The following STX8 variants were observed in gnomAD, a reference collection of about 807,000 sequenced individuals.
STX8 encodes syntaxin 8.
Under a neutral mutation model 37.5 loss-of-function variants are expected in STX8, and 23 were observed. The ratio of observed to expected loss-of-function variants is 0.61; its 90% CI spans 0.44 to 0.87. The LOEUF (loss-of-function observed/expected upper bound fraction) is 0.87, where lower values mean the gene tolerates loss of function less well. STX8 is among the 40% of genes least tolerant of loss of function. The pLI, the probability that STX8 is intolerant of heterozygous loss-of-function variation, is 0.00. For synonymous variants in STX8, 115 were observed against 99.1 expected (o/e 1.16, Z -0.95); for missense variants, 313 against 284.7 (o/e 1.10, Z -0.71).
rs144930480 is a variant in STX8 at position 9,440,773 on chromosome 17, C to A, written c.541+51056G>T. On this transcript the variant is annotated intron_variant, in intron 6 of 7. Coordinates refer to ENST00000306357, the MANE Select transcript of STX8 (RefSeq NM_004853.3). ...CTCCTGACCTAAGGTGATCCACCCGCCTCGGCCTCCCAAAGTGCTGGGATT... is the reference window on the plus strand; with the variant it reads ...CTCCTGACCTAAGGTGATCCACCCGACTCGGCCTCCCAAAGTGCTGGGATT... 3.0e-3 allele frequency among the ~76,000 whole-genome samples: 459 copies of A among 152,314 alleles called. 5 individuals carry two copies. Among genetic ancestry groups the A allele is most frequent in the African/African-American group, 0.01 (422 of 41,566 alleles).
intron 7 of STX8, among the ~76,000 whole-genome samples, chr17:9,375,416 T>G (rs1249456778): frequency 6.6e-6 from 1 of 152,184 alleles, no homozygotes; most frequent in Non-Finnish European, 1.5e-5. Flanking sequence ...GTAAGAAATA[T>G]TCCACATTCA....
intron 6 of STX8, among the ~76,000 whole-genome samples, chr17:9,382,171 T>TCACACACA (rs57809204): frequency 1.4e-5 from 2 of 146,972 alleles, no homozygotes; most frequent in East Asian, 2.0e-4. Flanking sequence ...AAGAAAACAC[T>TCACACACA]CACACACACA....
intron 6 of STX8, among the ~76,000 whole-genome samples, chr17:9,446,387 A>G (rs946342904): frequency 6.6e-6 from 1 of 152,246 alleles, no homozygotes; most frequent in Non-Finnish European, 1.5e-5. Context: ...TTCGAAAATT[A>G]TTTTAATGAA....
chr17:9,330,188 T>C (rs955454783), intron 7 of STX8, among the ~76,000 whole-genome samples: 2 of 152,174 alleles, frequency 1.3e-5, no homozygotes, highest in Non-Finnish European at 2.9e-5. Context: ...TATCACCTCT[T>C]ATTAGTGTCT....
intron 6 of STX8, among the ~76,000 whole-genome samples, chr17:9,406,153 C>A (rs1912794642): frequency 6.6e-6 from 1 of 152,158 alleles, no homozygotes; most frequent in African/African-American, 2.4e-5. Flanking sequence ...GCAATTGTAG[C>A]TGCAGACCTT....
chr17:9,450,471 C>T (rs1905004242), intron 6 of STX8, among the ~76,000 whole-genome samples: 1 of 151,676 alleles, frequency 6.6e-6, no homozygotes, highest in South Asian at 2.1e-4. Flanking sequence ...TTCTCCAAGA[C>T]CCATATATAC....
chr17:9,504,048 G>A (rs1008174238), intron 5 of STX8, among the ~76,000 whole-genome samples: 3 of 152,134 alleles, frequency 2.0e-5, no homozygotes, highest in Non-Finnish European at 2.9e-5. Context: ...ACAGGCGTGA[G>A]CCACCACACC....
At chr17:9,297,939 T>C (rs549605833) in intron 7 of STX8, among the ~76,000 whole-genome samples, 6 of 152,308 alleles carry the variant, frequency 3.9e-5, no homozygotes, top group African/African-American at 1.4e-4. Context: ...GCGGTGTTCC[T>C]ATAAACAAAG....
chr17:9,355,572 G>C (rs181134042), intron 7 of STX8, among the ~76,000 whole-genome samples: 1 of 148,698 alleles, frequency 6.7e-6, no homozygotes, highest in Admixed American at 6.8e-5. Flanking sequence ...GCGCAATCTC[G>C]GCTCACTGCA....
chr17:9,433,560 G>C lies in STX8; in HGVS notation c.542-54907C>G, dbSNP rs536266898. On this transcript the variant is annotated intron_variant, in intron 6 of 7. Transcript: ENST00000306357. The stretch of plus-strand genomic sequence containing the variant: ...CATAGATTGTGATGATGGTTTCATG[G>C]ATGTACACCTATCTCCAAACTCATC... Among the ~76,000 whole-genome samples the C allele has an allele frequency of 2.6e-5, 4 of 152,232 alleles. No homozygotes were observed. The South Asian group carries it at 8.3e-4, about 32-fold the overall frequency.
At chr17:9,416,374 A>ATTTTTTTTTTTT (rs535117460) in intron 6 of STX8, among the ~76,000 whole-genome samples, 6 of 145,900 alleles carry the variant, frequency 4.1e-5, no homozygotes, top group Admixed American at 1.4e-4. Flanking sequence ...TTGTAGTTTA[A>ATTTTTTTTTTTT]TTTTTTTTTT....
chr17:9,431,635 C>T (rs1913988411), intron 6 of STX8, among the ~76,000 whole-genome samples: 2 of 152,106 alleles, frequency 1.3e-5, no homozygotes, highest in African/African-American at 4.8e-5. Flanking sequence ...ACAGTCATGA[C>T]ACTGGTGCTG....
At position 9,507,570 on chromosome 17, in the gene STX8, C is replaced by T. The variant is rs1904886197; in HGVS notation, c.324-2408G>A. 6.6e-6 allele frequency among the ~76,000 whole-genome samples: 1 copy of T among 152,222 alleles called. No homozygotes were observed. Among genetic ancestry groups the T allele is most frequent in the South Asian group, 2.1e-4 (1 of 4,836 alleles). ...GTCCCAAACCTGAGAAACAGCCCAA[C>T]AGGCCACCTCTGGCAGGCATACTCC... On this transcript the variant is annotated intron_variant, in intron 4 of 7. Coordinates refer to ENST00000306357, the MANE Select transcript of STX8 (RefSeq NM_004853.3). The surrounding 1 kb of genome is among the most constrained non-coding windows in gnomAD (Gnocchi z 4.0).
chr17:9,570,480 C>T (rs889291733), intron 1 of STX8, among the ~76,000 whole-genome samples: 21 of 151,782 alleles, frequency 1.4e-4, no homozygotes, highest in Non-Finnish European at 8.8e-5. Context: ...ATATCACATA[C>T]CTATCGTTTA....
At chr17:9,525,271 G>A (rs1465748409) in intron 4 of STX8, among the ~76,000 whole-genome samples, 1 of 151,966 alleles carries the variant, frequency 6.6e-6, no homozygotes, top group Non-Finnish European at 1.5e-5. Context: ...AAGTACGCAA[G>A]ACAGAAAACA....
At chr17:9,268,269 T>C (rs1907301789) in intron 7 of STX8, among the ~76,000 whole-genome samples, 1 of 150,224 alleles carries the variant, frequency 6.7e-6, no homozygotes, top group Non-Finnish European at 1.5e-5. Context: ...ACCATGAAGA[T>C]TGGTGGAGTA....
chr17:9,454,659 G>A lies in STX8; in HGVS notation c.541+37170C>T, dbSNP rs112680025. 2.2e-5 allele frequency among the ~76,000 whole-genome samples: 3 copies of A among 135,084 alleles called. 1 individual carries two copies. The highest frequency in any genetic ancestry group is 5.8e-5 in the African/African-American group (2 of 34,432). The allele number at this position is 135,084 out of a possible 152,430, so 88.6% of individuals were successfully genotyped here. A position where few individuals can be genotyped will look rare whatever the true frequency, so the allele number is the denominator to read the frequency against. The stretch of plus-strand genomic sequence containing the variant: ...CGCGCCACTGCACTCCAGCCTGGGC[G>A]ACAGAGCGAGACTGTCTCAAAAAAA... On this transcript the variant is annotated intron_variant, in intron 6 of 7. Coordinates refer to ENST00000306357, the MANE Select transcript of STX8 (RefSeq NM_004853.3).
intron 7 of STX8, among the ~76,000 whole-genome samples, chr17:9,362,842 A>AT (rs1911109085): frequency 1.4e-5 from 2 of 142,054 alleles, no homozygotes; most frequent in South Asian, 2.1e-4. Context: ...AAAAAAAAAA[A>AT]ATAAATAAAT....
intron 2 of STX8, among the ~76,000 whole-genome samples, chr17:9,558,539 CAA>C (rs1297898327): frequency 6.6e-6 from 1 of 152,070 alleles, no homozygotes; most frequent in Admixed American, 6.6e-5. Flanking sequence ...TCTCTACACT[CAA>C]AGAGAAAAGA....
Sources: gnomAD v4.1 joint callset for allele counts (sites outside exome capture counted in the v4.1 genomes callset) on GRCh38, gnomAD v4.1.1 for gene constraint, Gnocchi (gnomAD v3.1) non-coding constraint, MANE v1.5 for transcripts, NCBI Gene and HGNC (gene_info 2026-07-23, HGNC 2026-07-21) for gene names.